Variants in WWC2 observed in about 807,000 individuals in gnomAD.
WWC2 encodes WW and C2 domain containing 2.
A neutral mutation model predicts 138.5 loss-of-function variants in WWC2; 101 were observed. That is an observed-to-expected ratio of 0.73 (90% CI 0.62 to 0.86). WWC2 has a LOEUF of 0.86. WWC2 is among the 40% of genes least tolerant of loss of function. The pLI, the probability that WWC2 is intolerant of heterozygous loss-of-function variation, is 0.00. For synonymous variants in WWC2, 558 were observed against 538.4 expected (o/e 1.04, Z -0.50); for missense variants, 1,420 against 1,419.4 (o/e 1.00, Z -0.01).
At chr4:183,189,575 C>G (rs1343818615) in intron 1 of WWC2, among the ~76,000 whole-genome samples, 1 of 152,178 alleles carries the variant, frequency 6.6e-6, no homozygotes, top group Non-Finnish European at 1.5e-5. Flanking sequence ...TTACTTCCTC[C>G]CTGTTCTCTT....
intron 14 of WWC2, 48 bp downstream of exon 14, chr4:183,265,999 T>C: frequency 1.3e-6 from 2 of 1,513,940 alleles, no homozygotes; most frequent in Non-Finnish European, 1.8e-6. Context: ...AACATTTCCA[T>C]GTAAGAGAAT....
chr4:183,270,284 A>G (rs976235718), intron 15 of WWC2, among the ~76,000 whole-genome samples: 5 of 152,136 alleles, frequency 3.3e-5, no homozygotes, highest in Non-Finnish European at 5.9e-5. Context: ...GATTTTGTCT[A>G]TGTGTGATTT....
At chr4:183,281,806 G>A (rs1738085683) in intron 17 of WWC2, among the ~76,000 whole-genome samples, 1 of 152,254 alleles carries the variant, frequency 6.6e-6, no homozygotes, top group East Asian at 1.9e-4. Flanking sequence ...ATAAATACGA[G>A]AGTGATTATA....
Position 183,185,370 on chromosome 4 carries a change from A to G in WWC2, c.132-8229A>G, listed in dbSNP as rs900198648. Among the ~76,000 whole-genome samples the G allele has an allele frequency of 6.6e-5, 10 of 152,314 alleles. No homozygotes were observed. The South Asian group carries it at 1.9e-3, about 28-fold the overall frequency. On this transcript the variant is annotated intron_variant, in intron 1 of 22. Transcript: ENST00000403733. ...CAGACAATATGAACAATTAACTTGGAATCATGTTATAACCTCCTATTTAAG... is the reference window on the plus strand; with the variant it reads ...CAGACAATATGAACAATTAACTTGGGATCATGTTATAACCTCCTATTTAAG...
At chr4:183,226,095 C>CTTTTTTTTTTTTTTTTTTT (rs11321151) in intron 4 of WWC2, among the ~76,000 whole-genome samples, 1 of 113,532 alleles carries the variant, frequency 8.8e-6, no homozygotes, top group Non-Finnish European at 1.7e-5. Context: ...CTTTTCTTTT[C>CTTTTTTTTTTTTTTTTTTT]TTTTTTTTTT....
chr4:183,199,336 CTT>C (rs1278129702), intron 2 of WWC2, among the ~76,000 whole-genome samples: 1 of 152,188 alleles, frequency 6.6e-6, no homozygotes. Flanking sequence ...GAACTGTACT[CTT>C]TTCAGCCAGA....
At chr4:183,280,229 G>GTTTTTTTTTTTTTTTTTTTTTTTTTTTTT (rs869235261) in intron 16 of WWC2, among the ~76,000 whole-genome samples, 8 of 65,432 alleles carry the variant, frequency 1.2e-4, no homozygotes, top group Admixed American at 2.4e-4. Flanking sequence ...GATAGCAGCT[G>GTTTTTTTTTTTTTTTTTTTTTTTTTTTTT]TTTTTTTTTT....
At chr4:183,186,992 A>C (rs960329313) in intron 1 of WWC2, among the ~76,000 whole-genome samples, 7 of 152,070 alleles carry the variant, frequency 4.6e-5, no homozygotes, top group Admixed American at 2.6e-4. Context: ...GCACTGGGTG[A>C]ATCATTTAAA....
At chr4:183,283,666 T>C (rs1437227842) in intron 18 of WWC2, among the ~76,000 whole-genome samples, 1 of 152,212 alleles carries the variant, frequency 6.6e-6, no homozygotes, top group Admixed American at 6.5e-5. Context: ...TTTACTTAGG[T>C]TTTATTTTTG....
Position 183,320,067 on chromosome 4 carries a change from C to G in WWC2, c.*4338C>G. Reference sequence around the variant, plus strand: ...TTCCTCTTGGATGACACAGGTTTGCCAGAGTCCCATGGTCCAGTTTTCCAT... The same window carrying G: ...TTCCTCTTGGATGACACAGGTTTGCGAGAGTCCCATGGTCCAGTTTTCCAT... On this transcript the variant is annotated 3_prime_UTR_variant, in exon 23 of 23. Transcript: ENST00000403733. 1 of 1,614,102 alleles carries G rather than the reference C, an allele frequency of 6.2e-7. No homozygotes were observed. The highest frequency in any genetic ancestry group is 8.5e-7 in the Non-Finnish European group (1 of 1,180,038).
chr4:183,306,881 C>CAA (rs55750701), intron 21 of WWC2, among the ~76,000 whole-genome samples: 35 of 85,114 alleles, frequency 4.1e-4, no homozygotes, highest in Admixed American at 1.5e-3. Context: ...ATATATGAGG[C>CAA]AAAAAAAAAA....
chr4:183,169,293 G>A (rs549229331), intron 1 of WWC2, among the ~76,000 whole-genome samples: 4 of 152,236 alleles, frequency 2.6e-5, no homozygotes, highest in South Asian at 2.1e-4. Flanking sequence ...GAAATTTTAC[G>A]TGTTGCTATA....
chr4:183,207,501 G>A (rs1169488748), intron 2 of WWC2, among the ~76,000 whole-genome samples: 1 of 152,148 alleles, frequency 6.6e-6, no homozygotes, highest in African/African-American at 2.4e-5. Context: ...TACTGTTGCG[G>A]ACATAAAACT....
intron 21 of WWC2, among the ~76,000 whole-genome samples, chr4:183,307,206 G>A (rs1350981485): frequency 6.6e-6 from 1 of 152,160 alleles, no homozygotes; most frequent in Non-Finnish European, 1.5e-5. Flanking sequence ...AAAATACTTG[G>A]AGATTAAACT....
rs1220249473 is a variant in WWC2, at chr4:183,240,249, G to A, written c.589G>A (p.Glu197Lys). 6.4e-7 allele frequency: 1 copy of A among 1,551,866 alleles called. No homozygotes were observed. Among genetic ancestry groups the A allele is most frequent in the Non-Finnish European group, 8.7e-7 (1 of 1,147,478 alleles). ...QELLYKEQGFETLQQIDKKMS... is the reference protein window; with the variant it reads ...QELLYKEQGFKTLQQIDKKMS... ...ACTGCTCTATAAAGAACAAGGCTTT[G>A]AAACATTGCAGCAGTGAGTATGAAA... Residue 197 changes from glutamate (E) to lysine (K), a missense_variant, in exon 5 of 23, where the codon GAA (glutamate) becomes AAA (lysine). Physicochemically the swap from Glu to Lys is moderately conservative, Grantham distance 56 (BLOSUM62 1). Transcript: ENST00000403733.
intron 5 of WWC2, among the ~76,000 whole-genome samples, chr4:183,244,355 G>A (rs1313951478): frequency 1.3e-5 from 2 of 152,104 alleles, no homozygotes; most frequent in Non-Finnish European, 2.9e-5. Context: ...ATTAGGTTAC[G>A]TGAAATCCTC....
chr4:183,293,598 A>T (rs879926847), intron 21 of WWC2, among the ~76,000 whole-genome samples: 23 of 152,366 alleles, frequency 1.5e-4, no homozygotes, highest in South Asian at 8.3e-4. Context: ...TTGTATTAGG[A>T]GTTCCTAAAC....
At chr4:183,203,328 T>G (rs1735354154) in intron 2 of WWC2, among the ~76,000 whole-genome samples, 1 of 152,056 alleles carries the variant, frequency 6.6e-6, no homozygotes, top group Admixed American at 6.5e-5. Context: ...TGCGGGTACC[T>G]CAGCCCTTCT....
At chr4:183,224,689 T>G (rs1319204639) in intron 4 of WWC2, among the ~76,000 whole-genome samples, 1 of 152,152 alleles carries the variant, frequency 6.6e-6, no homozygotes, top group East Asian at 1.9e-4. Flanking sequence ...GCCTCCCGAG[T>G]AGCTGAGATT....
Sources: gnomAD v4.1 joint callset for allele counts (sites outside exome capture counted in the v4.1 genomes callset) on GRCh38, gnomAD v4.1.1 for gene constraint, MANE v1.5 for transcripts, NCBI Gene and HGNC (gene_info 2026-07-23, HGNC 2026-07-21) for gene names.